SLIT3: variants seen among roughly 807,000 people sequenced by gnomAD.
SLIT3 encodes slit homolog 3 protein.
Under a neutral mutation model 184.0 loss-of-function variants are expected in SLIT3, and 68 were observed. The observed-to-expected ratio is 0.37, with a 90% CI of 0.30 to 0.45. SLIT3 has a LOEUF of 0.45. Ranked by LOEUF, SLIT3 falls within the 20% of genes least tolerant of loss-of-function variation. The pLI, the probability that SLIT3 is intolerant of heterozygous loss-of-function variation, is 1.00. For synonymous variants in SLIT3, 831 were observed against 828.6 expected, an observed-to-expected ratio of 1.00 and a Z score of -0.05; for missense variants, 1,707 against 2,026.0, an observed-to-expected ratio of 0.84 and a Z score of 3.02.
At chr5:169,122,544 C>G (rs952753642) in intron 4 of SLIT3, among the ~76,000 whole-genome samples, 1 of 152,148 alleles carries the variant, frequency 6.6e-6, no homozygotes, top group Non-Finnish European at 1.5e-5. Context: ...AGGCAGTTCT[C>G]TCTGTAAAGC....
chr5:168,933,481 G>A (rs1288569130), intron 4 of SLIT3, among the ~76,000 whole-genome samples: 1 of 151,976 alleles, frequency 6.6e-6, no homozygotes, highest in Non-Finnish European at 1.5e-5. Flanking sequence ...GGCGGAGGTT[G>A]CAGTGAGCTA....
intron 4 of SLIT3, among the ~76,000 whole-genome samples, chr5:168,913,206 G>C (rs1477715964): frequency 6.6e-6 from 1 of 152,048 alleles, no homozygotes; most frequent in African/African-American, 2.4e-5. Context: ...AAAGGGTTAG[G>C]GTCAGGGTTA....
At chr5:169,148,552 G>T (rs1436715083) in intron 4 of SLIT3, among the ~76,000 whole-genome samples, 1 of 152,166 alleles carries the variant, frequency 6.6e-6, no homozygotes, top group Non-Finnish European at 1.5e-5. Flanking sequence ...CTTCTAGAGA[G>T]TAATTAAATG....
intron 4 of SLIT3, among the ~76,000 whole-genome samples, chr5:169,161,922 G>A (rs7722860): frequency 0.48 from 72,907 of 152,004 alleles, 17,922 homozygotes; most frequent in African/African-American, 0.57. Context: ...AGAAAACAGA[G>A]GGACTACTAC....
intron 4 of SLIT3, among the ~76,000 whole-genome samples, chr5:168,933,475 G>A (rs1014286618): frequency 3.9e-5 from 6 of 152,094 alleles, no homozygotes; most frequent in African/African-American, 9.7e-5. Flanking sequence ...CCGGGAGGCG[G>A]AGGTTGCAGT....
intron 1 of SLIT3, among the ~76,000 whole-genome samples, chr5:169,254,580 CTG>C (rs965959480): frequency 2.6e-5 from 4 of 152,190 alleles, no homozygotes; most frequent in Admixed American, 2.0e-4. Flanking sequence ...ACAAACAAGA[CTG>C]TGGCAGAAAT....
In SLIT3 at chr5:169,206,982, G is replaced by A. The variant is rs182461932; in HGVS notation, c.342-13432C>T. Among the ~76,000 whole-genome samples, 6 of 151,678 alleles carry A rather than the reference G, an allele frequency of 4.0e-5. No individual in the cohort carries two copies. In the East Asian group the frequency reaches 7.7e-4, roughly 20 times the overall value. On this transcript the variant is annotated intron_variant, in intron 3 of 35. Coordinates refer to ENST00000519560, the MANE Select transcript of SLIT3 (RefSeq NM_003062.4). ...AGGATGGAAAGGGAGCTGGGTAAAA[G>A]GGGGAAAGGGGCACTTTTCAGATTG...
intron 9 of SLIT3, among the ~76,000 whole-genome samples, chr5:168,802,450 A>G (rs1202007763): frequency 2.0e-5 from 3 of 152,148 alleles, no homozygotes; most frequent in Non-Finnish European, 2.9e-5. Flanking sequence ...GTTTCATTTT[A>G]TCACAGAGGA....
chr5:169,286,328 TTTC>T (rs1320814354), intron 1 of SLIT3, among the ~76,000 whole-genome samples: 2 of 150,782 alleles, frequency 1.3e-5, no homozygotes, highest in East Asian at 3.8e-4. Context: ...CATCTTTTTT[TTTC>T]TTAATTTCAG....
At chr5:169,202,998 T>A (rs297856) in intron 3 of SLIT3, among the ~76,000 whole-genome samples, 2 of 151,842 alleles carry the variant, frequency 1.3e-5, no homozygotes, top group Admixed American at 6.5e-5. Context: ...ATCCAGAAGA[T>A]CTTGATTTCA....
chr5:168,819,625 C>T (rs10516052), intron 7 of SLIT3, among the ~76,000 whole-genome samples: 1,920 of 152,212 alleles, frequency 0.013, 43 homozygotes, highest in African/African-American at 0.044. Context: ...CCGTCGGTTC[C>T]GATCAAGGGT....
intron 5 of SLIT3, among the ~76,000 whole-genome samples, chr5:168,862,818 G>C (rs1759159280): frequency 6.6e-6 from 1 of 152,088 alleles, no homozygotes; most frequent in South Asian, 2.1e-4. Flanking sequence ...GGGACTACAG[G>C]CACCCACCAC....
chr5:168,780,570 C>T (rs752585960), intron 12 of SLIT3, among the ~76,000 whole-genome samples: 1 of 152,218 alleles, frequency 6.6e-6, no homozygotes, highest in Non-Finnish European at 1.5e-5. Flanking sequence ...AAAAAGTGCT[C>T]TGTGTGTCCC....
intron 4 of SLIT3, among the ~76,000 whole-genome samples, chr5:169,142,915 G>C (rs1761794125): frequency 6.6e-6 from 1 of 152,190 alleles, no homozygotes; most frequent in Admixed American, 6.5e-5. Context: ...TTCTTTCCAG[G>C]TTGGTCAGTA....
intron 3 of SLIT3, among the ~76,000 whole-genome samples, chr5:169,206,951 A>C (rs1764088376): frequency 6.6e-6 from 1 of 151,692 alleles, no homozygotes; most frequent in African/African-American, 2.4e-5. Flanking sequence ...ATAATATGAG[A>C]ACTGTAGGAT....
intron 4 of SLIT3, among the ~76,000 whole-genome samples, chr5:169,014,301 T>A (rs1756281594): frequency 6.6e-6 from 1 of 152,186 alleles, no homozygotes; most frequent in African/African-American, 2.4e-5. Context: ...TCTCCAGCTA[T>A]ATATATCCAG....
intron 4 of SLIT3, among the ~76,000 whole-genome samples, chr5:169,145,859 C>T (rs1388337852): frequency 1.3e-5 from 2 of 152,162 alleles, no homozygotes; most frequent in Admixed American, 6.5e-5. Context: ...GCCAGCCTGG[C>T]CAACATGGTG....
chr5:169,138,978 A>G (rs1336900077), intron 4 of SLIT3, among the ~76,000 whole-genome samples: 1 of 152,206 alleles, frequency 6.6e-6, no homozygotes, highest in East Asian at 1.9e-4. Context: ...CCACTGCTCC[A>G]GCCTTTCTTG....
At chr5:168,670,311 T>C (rs1189626635) in intron 34 of SLIT3, among the ~76,000 whole-genome samples, 2 of 152,208 alleles carry the variant, frequency 1.3e-5, no homozygotes, top group Non-Finnish European at 2.9e-5. Flanking sequence ...CTAAACATTT[T>C]AATTGCTTTA....
Sources: allele counts gnomAD v4.1 joint callset (sites outside exome capture counted in the v4.1 genomes callset), GRCh38; gene constraint gnomAD v4.1.1; transcripts MANE v1.5; gene names NCBI Gene and HGNC (gene_info 2026-07-23, HGNC 2026-07-21).